Variants in MTCL1 observed in about 807,000 individuals in gnomAD.
The protein encoded by MTCL1 is microtubule cross-linking factor 1.
MTCL1 carries 79 observed loss-of-function variants against 141.4 expected under a neutral mutation model. The observed-to-expected ratio is 0.56, with a 90% CI of 0.47 to 0.67. The LOEUF (loss-of-function observed/expected upper bound fraction) is 0.67, where lower values mean the gene tolerates loss of function less well. Ranked by LOEUF, MTCL1 falls within the 30% of genes least tolerant of loss-of-function variation. MTCL1 has a pLI of 0.00. For missense variants in MTCL1, 2,177 were observed against 2,113.9 expected (o/e 1.03, Z -0.59); for synonymous variants, 914 against 875.8 (o/e 1.04, Z -0.77).
intron 16 of MTCL1, chr18:8,829,861 A>G (rs905156877): frequency 1.0e-6 from 1 of 985,162 alleles, no homozygotes; most frequent in Non-Finnish European, 1.2e-6. Context: ...TGTGTTACTA[A>G]GGAAAAGGTT....
intron 4 of MTCL1, among the ~76,000 whole-genome samples, chr18:8,720,729 T>C (rs1195451055): frequency 6.6e-6 from 1 of 152,232 alleles, no homozygotes; most frequent in Non-Finnish European, 1.5e-5. Flanking sequence ...GACTATGGAT[T>C]CAATACTGTG....
chr18:8,759,533 C>CT (rs1373460508), intron 4 of MTCL1, among the ~76,000 whole-genome samples: 1 of 152,174 alleles, frequency 6.6e-6, no homozygotes, highest in African/African-American at 2.4e-5. Context: ...CAAGGGCACT[C>CT]TGAGACCCTT....
At chr18:8,714,015 C>T (rs2096110908), upstream of MTCL1, among the ~76,000 whole-genome samples, 1 of 152,192 alleles carries the variant, frequency 6.6e-6, no homozygotes. Flanking sequence ...ACCAGTTGCC[C>T]TAATGGATAT....
rs149764588 is a variant in MTCL1 at position 8,825,179 on chromosome 18, G to A, written c.3669G>A (p.Pro1223=). The A allele has an allele frequency of 4.7e-5, 74 of 1,580,198 alleles. No individual in the cohort carries two copies. In the African/African-American group the frequency reaches 7.8e-4, roughly 17 times the overall value. Reference sequence around the variant, plus strand: ...CCACAAGCAGAGCCAGAGGGAGCCCGGGAGACACCAAGGGAGGCCCTCCAG... The same window carrying A: ...CCACAAGCAGAGCCAGAGGGAGCCCAGGAGACACCAAGGGAGGCCCTCCAG... Residue 1223 remains proline (P), a synonymous_variant, in exon 15 of 17, where the codon CCG becomes CCA. Coordinates refer to ENST00000359865, the Ensembl canonical transcript of MTCL1.
chr18:8,739,922 G>A (rs2096293354), intron 4 of MTCL1, among the ~76,000 whole-genome samples: 2 of 152,186 alleles, frequency 1.3e-5, no homozygotes, highest in Admixed American at 6.5e-5. Context: ...TAGTAGAGGT[G>A]GGGTTTCACC....
intron 4 of MTCL1, among the ~76,000 whole-genome samples, chr18:8,722,911 A>G (rs1057303692): frequency 6.6e-6 from 1 of 152,240 alleles, no homozygotes; most frequent in South Asian, 2.1e-4. Flanking sequence ...AGGATTTGGC[A>G]TCTCTTTGAA....
chr18:8,760,410 G>T (rs574883689), intron 4 of MTCL1, among the ~76,000 whole-genome samples: 1 of 152,200 alleles, frequency 6.6e-6, no homozygotes, highest in African/African-American at 2.4e-5. Flanking sequence ...CTTGTTAGAC[G>T]CAGATGCAAG....
At chr18:8,745,227 A>G (rs182949316) in intron 4 of MTCL1, among the ~76,000 whole-genome samples, 1 of 152,374 alleles carries the variant, frequency 6.6e-6, no homozygotes, top group African/African-American at 2.4e-5. Context: ...CTTAGGAAAT[A>G]GAGCATTATC....
At chr18:8,797,357 G>A (rs2075962050) in intron 9 of MTCL1, among the ~76,000 whole-genome samples, 1 of 152,122 alleles carries the variant, frequency 6.6e-6, no homozygotes. Context: ...GTTATGCCTC[G>A]ATTCCCAGGT....
At chr18:8,748,087 G>T (rs1176542078) in intron 4 of MTCL1, among the ~76,000 whole-genome samples, 2 of 152,072 alleles carry the variant, frequency 1.3e-5, no homozygotes, top group East Asian at 3.9e-4. Flanking sequence ...CTCACTTGGG[G>T]CTCTGCACCC....
chr18:8,712,536 TC>T (rs2096100098), upstream of MTCL1, among the ~76,000 whole-genome samples: 1 of 152,188 alleles, frequency 6.6e-6, no homozygotes, highest in Non-Finnish European at 1.5e-5. Context: ...CCTCCTCCTT[TC>T]TCTTTCAGAA....
chr18:8,796,196 G>C lies in MTCL1; in HGVS notation c.2011-36G>C, dbSNP rs372058734. 4.5e-5 allele frequency: 72 copies of C among 1,607,686 alleles called. No individual in the cohort carries two copies. The African/African-American group carries it at 8.2e-4, about 18-fold the overall frequency. On this transcript the variant is annotated intron_variant, in intron 8 of 16. Coordinates refer to ENST00000359865, the Ensembl canonical transcript of MTCL1. The stretch of plus-strand genomic sequence containing the variant: ...TTGGTTTGGGTGGCGGATTGGATTA[G>C]CTGCTTGTCACACTGTCTCTCTTAT...
At chr18:8,720,367 C>G in exon 4 of MTCL1, 1 of 1,614,078 alleles carries the variant, frequency 6.2e-7, no homozygotes, top group Non-Finnish European at 8.5e-7. Flanking sequence ...TCAGATTGCA[C>G]CACGAACTTA....
chr18:8,745,270 C>T (rs1420058847), intron 4 of MTCL1, among the ~76,000 whole-genome samples: 1 of 152,142 alleles, frequency 6.6e-6, no homozygotes, highest in Non-Finnish European at 1.5e-5. Flanking sequence ...TGTCTGTCCC[C>T]CATTAATGGT....
chr18:8,756,747 A>G lies in MTCL1; in HGVS notation c.358-21086A>G, dbSNP rs566740845. 2.2e-4 allele frequency among the ~76,000 whole-genome samples: 34 copies of G among 152,316 alleles called. No individual in the cohort carries two copies. In the East Asian group the frequency reaches 5.8e-3, roughly 26 times the overall value. ...AATCCAGCCATTGTCAGTTCTGAGC[A>G]TCTGGGATGTGGCCAAACCGCAGGG... On this transcript the variant is annotated intron_variant, in intron 4 of 16. Coordinates refer to ENST00000359865, the Ensembl canonical transcript of MTCL1.
At chr18:8,719,715 A>C (rs966106773) in intron 3 of MTCL1, among the ~76,000 whole-genome samples, 1 of 152,064 alleles carries the variant, frequency 6.6e-6, no homozygotes, top group African/African-American at 2.4e-5. Flanking sequence ...GGCATGCATC[A>C]CCATGCCTGG....
chr18:8,741,214 G>A (rs1445694030), intron 4 of MTCL1, among the ~76,000 whole-genome samples: 1 of 152,198 alleles, frequency 6.6e-6, no homozygotes, highest in East Asian at 1.9e-4. Context: ...TAGATGTCTG[G>A]ACTGCAGGAC....
intron 4 of MTCL1, among the ~76,000 whole-genome samples, chr18:8,740,437 A>T (rs2096296446): frequency 6.6e-6 from 1 of 152,190 alleles, no homozygotes; most frequent in Non-Finnish European, 1.5e-5. Context: ...GACAGATACC[A>T]TGCGGCCCAA....
chr18:8,772,194 G>A (rs996282982), intron 4 of MTCL1, among the ~76,000 whole-genome samples: 31 of 152,216 alleles, frequency 2.0e-4, no homozygotes, highest in Non-Finnish European at 7.3e-5. Flanking sequence ...GGGATACCTG[G>A]CCAGTTTCCC....
Sources: gnomAD v4.1 joint callset for allele counts (sites outside exome capture counted in the v4.1 genomes callset) on GRCh38, gnomAD v4.1.1 for gene constraint, MANE v1.5 for transcripts, NCBI Gene and HGNC (gene_info 2026-07-23, HGNC 2026-07-21) for gene names.